Variants in FNIP2 observed in about 807,000 individuals in gnomAD.
FNIP2 encodes the protein folliculin interacting protein 2, also known as folliculin-interacting protein 2.
FNIP2 carries 32 observed loss-of-function variants against 108.7 expected under a neutral mutation model. The observed-to-expected ratio is 0.29, with a 90% CI of 0.22 to 0.40. FNIP2 has a LOEUF of 0.40. Ranked by LOEUF, FNIP2 falls within the 10% of genes least tolerant of loss-of-function variation. The pLI is 1.00. For synonymous variants in FNIP2, 480 were observed against 496.7 expected, an observed-to-expected ratio of 0.97 and a Z score of 0.45; for missense variants, 1,202 against 1,381.6, an observed-to-expected ratio of 0.87 and a Z score of 2.06.
intron 14 of FNIP2, among the ~76,000 whole-genome samples, chr4:158,881,843 C>A (rs1191953631): frequency 6.6e-6 from 1 of 152,212 alleles, no homozygotes; most frequent in Admixed American, 6.5e-5. Flanking sequence ...TCCCAAAGTG[C>A]CGAGATTGCA....
At chr4:158,823,465 C>T (rs183780126) in intron 1 of FNIP2, among the ~76,000 whole-genome samples, 123 of 152,182 alleles carry the variant, frequency 8.1e-4, no homozygotes, top group African/African-American at 2.8e-3. Context: ...GGGGTTTCAC[C>T]GTGTTGGCCA....
intron 1 of FNIP2, among the ~76,000 whole-genome samples, chr4:158,791,573 C>T (rs549277126): frequency 6.6e-6 from 1 of 152,294 alleles, no homozygotes; most frequent in African/African-American, 2.4e-5. Context: ...TGAGCCACTG[C>T]ACCCAGCCTG....
intron 1 of FNIP2, among the ~76,000 whole-genome samples, chr4:158,825,405 G>A (rs964750434): frequency 3.9e-5 from 6 of 152,134 alleles, no homozygotes; most frequent in African/African-American, 7.2e-5. Flanking sequence ...AGCCATAATC[G>A]GGGAAGATAA....
In FNIP2 at chr4:158,861,711, G is replaced by T; in HGVS notation, c.1400G>T (p.Arg467Leu). ...CCCATCAAAGCCTTCTCAGAGAAAC[G>T]TACCTCCCAGTCAGTGAACATGCTG... The part of the protein sequence containing the change: ...HPPIKAFSEK[R>L]TSQSVNMLAK... The change falls in exon 12 of 17, where the codon CGT becomes CTT. Residue 467 changes from arginine (R) to leucine (L), a missense_variant. This residue lies in a region of FNIP2 where 878 missense variants were observed against 990.3 expected (regional missense o/e 0.89). Coordinates refer to ENST00000264433, the MANE Select transcript of FNIP2 (RefSeq NM_020840.3). 2.5e-6 allele frequency: 4 copies of T among 1,613,978 alleles called. No individual in the cohort carries two copies. The highest frequency in any genetic ancestry group is 2.5e-6 in the Non-Finnish European group (3 of 1,179,896).
chr4:158,780,276 G>T (rs1036752708), intron 1 of FNIP2, among the ~76,000 whole-genome samples: 10 of 151,808 alleles, frequency 6.6e-5, no homozygotes, highest in African/African-American at 2.4e-4. Context: ...TGATTATAAA[G>T]ATGTTGTAAA....
At chr4:158,772,087 C>A (rs1278422143) in intron 1 of FNIP2, among the ~76,000 whole-genome samples, 1 of 152,100 alleles carries the variant, frequency 6.6e-6, no homozygotes, top group African/African-American at 2.4e-5. Context: ...GACAGAAAGC[C>A]CTTTTCATAG....
At position 158,849,801 on chromosome 4, in the gene FNIP2, T is replaced by TA. The variant is rs55717420; in HGVS notation, c.728-1506dup. Among the ~76,000 whole-genome samples the TA allele has an allele frequency of 2.7e-3, 381 of 141,602 alleles. 1 individual carries two copies. The highest frequency in any genetic ancestry group is 5.0e-3 in the African/African-American group (192 of 38,510). The allele number at this position is 141,602 out of a possible 152,430, so 92.9% of individuals were successfully genotyped here. On this transcript the variant is annotated intron_variant, in intron 7 of 16. Coordinates refer to ENST00000264433, the MANE Select transcript of FNIP2 (RefSeq NM_020840.3). ...GGCCAGCCACATGTAACAGTTTGGT[T>TA]AAAAAAAAAAAAAAGTGCCATACGT...
At chr4:158,898,240 G>A (rs2126791739) in intron 16 of FNIP2, among the ~76,000 whole-genome samples, 1 of 152,268 alleles carries the variant, frequency 6.6e-6, no homozygotes, top group East Asian at 1.9e-4. Flanking sequence ...GGTTACCGTA[G>A]CCTTGTTGTA....
Position 158,891,549 on chromosome 4 carries a change from A to T in FNIP2, c.3053A>T (p.Asn1018Ile). Residue 1018 changes from asparagine to isoleucine, a missense_variant, in exon 15 of 17, where the codon AAC (asparagine) becomes ATC (isoleucine). By Grantham distance (149) the Asn-to-Ile change is moderately radical. Coordinates refer to ENST00000264433, the MANE Select transcript of FNIP2 (RefSeq NM_020840.3). ...VATSQRKVTD[N>I]MKLGQDVLVS... The stretch of plus-strand genomic sequence containing the variant: ...ACAAGTCAGAGGAAAGTGACGGACA[A>T]CATGAAACTAGGCCAGGATGTCCTG... 1 of 1,612,040 alleles carries T rather than the reference A, an allele frequency of 6.2e-7. No homozygotes were observed. Among genetic ancestry groups the T allele is most frequent in the Non-Finnish European group, 8.5e-7 (1 of 1,178,992 alleles).
intron 1 of FNIP2, among the ~76,000 whole-genome samples, chr4:158,823,098 G>T (rs2126552615): frequency 6.6e-6 from 1 of 152,144 alleles, no homozygotes; most frequent in East Asian, 1.9e-4. Context: ...TGAACAACTT[G>T]GTTATAAATT....
chr4:158,876,184 A>G (rs1781274048), intron 14 of FNIP2, among the ~76,000 whole-genome samples: 1 of 152,232 alleles, frequency 6.6e-6, no homozygotes, highest in Non-Finnish European at 1.5e-5. Flanking sequence ...CGCCTTCTCA[A>G]TGTGACTAGT....
At chr4:158,899,430 A>G (rs1560845617) in intron 16 of FNIP2, among the ~76,000 whole-genome samples, 1 of 152,194 alleles carries the variant, frequency 6.6e-6, no homozygotes, top group Non-Finnish European at 1.5e-5. Context: ...AAGGAATGGT[A>G]CCAGCTCCTG....
At chr4:158,820,605 C>T (rs368378946) in intron 1 of FNIP2, among the ~76,000 whole-genome samples, 1 of 152,196 alleles carries the variant, frequency 6.6e-6, no homozygotes, top group African/African-American at 2.4e-5. Flanking sequence ...AGATGCATTC[C>T]TTGGCATAAA....
chr4:158,846,631 C>G lies in FNIP2; in HGVS notation c.728-4690C>G, dbSNP rs1578905724. On this transcript the variant is annotated intron_variant, in intron 7 of 16. Coordinates refer to ENST00000264433, the MANE Select transcript of FNIP2 (RefSeq NM_020840.3). Reference sequence around the variant, plus strand: ...GCAGAAAGGTTGTGATACCTTTTCTCACCCCTCTTAAGGGTAATAGCTGAC... The same window carrying G: ...GCAGAAAGGTTGTGATACCTTTTCTGACCCCTCTTAAGGGTAATAGCTGAC... Among the ~76,000 whole-genome samples, 3 of 152,288 alleles carry G rather than the reference C, an allele frequency of 2.0e-5. No individual in the cohort carries two copies. The East Asian group carries it at 5.8e-4, about 29-fold the overall frequency.
At chr4:158,846,374 G>A (rs907673278) in intron 7 of FNIP2, among the ~76,000 whole-genome samples, 4 of 152,074 alleles carry the variant, frequency 2.6e-5, no homozygotes, top group Non-Finnish European at 4.4e-5. Context: ...CTAGCAGATA[G>A]CAGCTTTCAT....
chr4:158,769,257 C>G lies in FNIP2; in HGVS notation c.45C>G (p.Ser15Arg). The stretch of plus-strand genomic sequence containing the variant: ...AGAAGCTCTTCAACAAAAGGGGCAG[C>G]AGCGGCAGCTCCGCGGCGGCGTCTG... Reference protein sequence around the residue: ...LLQKLFNKRGSSGSSAAASAQ... With the variant: ...LLQKLFNKRGRSGSSAAASAQ... The change falls in exon 1 of 17, where the codon AGC becomes AGG. Residue 15 changes from serine to arginine, a missense_variant. Around this residue, in one of 5 missense-constraint regions of FNIP2, gnomAD observed 173 missense variants for 165.9 expected, o/e 1.04. Coordinates refer to ENST00000264433, the MANE Select transcript of FNIP2 (RefSeq NM_020840.3). 1.3e-6 allele frequency: 2 copies of G among 1,540,982 alleles called. No homozygotes were observed. The highest frequency in any genetic ancestry group is 2.4e-5 in the South Asian group (2 of 83,568).
intron 7 of FNIP2, among the ~76,000 whole-genome samples, chr4:158,850,927 C>G (rs1420177312): frequency 6.6e-6 from 1 of 151,960 alleles, no homozygotes; most frequent in Non-Finnish European, 1.5e-5. Context: ...ATCTGTGACT[C>G]TTATTTCGTT....
chr4:158,882,934 A>G (rs544355573), intron 14 of FNIP2, among the ~76,000 whole-genome samples: 19 of 152,000 alleles, frequency 1.3e-4, no homozygotes, highest in Admixed American at 1.0e-3. Context: ...CCTTCCCTCC[A>G]CTATTGTCCT....
intron 14 of FNIP2, chr4:158,871,296 A>C: frequency 1.2e-6 from 1 of 832,852 alleles, no homozygotes; most frequent in Non-Finnish European, 1.4e-6. Flanking sequence ...GATGTGCAAA[A>C]ATAGACATTT....
Sources: gnomAD v4.1 joint callset for allele counts (sites outside exome capture counted in the v4.1 genomes callset) on GRCh38, gnomAD v4.1.1 for gene constraint, gnomAD v4.1.1 regional missense constraint, MANE v1.5 for transcripts, NCBI Gene and HGNC (gene_info 2026-07-23, HGNC 2026-07-21) for gene names.